Variants in SLC30A8 observed in about 807,000 individuals in gnomAD.
SLC30A8 encodes the protein solute carrier family 30 member 8.
SLC30A8 carries 27 observed loss-of-function variants against 36.9 expected under a neutral mutation model. The observed-to-expected ratio is 0.73, with a 90% CI of 0.54 to 1.01. The LOEUF (loss-of-function observed/expected upper bound fraction) is 1.01. Ranked by LOEUF, SLC30A8 falls within the 50% of genes least tolerant of loss-of-function variation. SLC30A8 has a pLI of 0.00. For synonymous variants in SLC30A8, 164 were observed against 172.4 expected, an observed-to-expected ratio of 0.95 and a Z score of 0.38; for missense variants, 439 against 452.0, an observed-to-expected ratio of 0.97 and a Z score of 0.26.
chr8:117,092,592 C>T lies in SLC30A8; in HGVS notation c.-225-42688C>T, dbSNP rs76569308. Among the ~76,000 whole-genome samples, 560 of 152,208 alleles carry T rather than the reference C, an allele frequency of 3.7e-3. 8 individuals are homozygous for T. In the East Asian group the frequency reaches 0.063, roughly 17 times the overall value. ...AAGATTTCCTGAGTGCCCACTAGTA[C>T]CTAGACTTAAAGAGATAGATTAGAG... On this transcript the variant is annotated intron_variant, in intron 2 of 10. Coordinates refer to the SLC30A8 transcript ENST00000427715.
At chr8:116,951,769 C>A (rs140477347) in intron 1 of SLC30A8, among the ~76,000 whole-genome samples, 41 of 152,202 alleles carry the variant, frequency 2.7e-4, no homozygotes, top group African/African-American at 9.4e-4. Flanking sequence ...TTTGTTGTGT[C>A]TACGGGGTGC....
chr8:117,072,349 G>A (rs1057193419), intron 2 of SLC30A8, among the ~76,000 whole-genome samples: 2 of 152,114 alleles, frequency 1.3e-5, no homozygotes, highest in Admixed American at 6.6e-5. Context: ...TATGTTAGTT[G>A]TCTCTTTATT....
At chr8:116,984,339 G>A (rs896429246) in intron 1 of SLC30A8, among the ~76,000 whole-genome samples, 2 of 152,148 alleles carry the variant, frequency 1.3e-5, no homozygotes, top group African/African-American at 4.8e-5. Context: ...GAGTACAACT[G>A]TTAAGTCATA....
chr8:117,037,629 A>G (rs1252597348), intron 1 of SLC30A8, among the ~76,000 whole-genome samples: 2 of 152,238 alleles, frequency 1.3e-5, no homozygotes, highest in African/African-American at 2.4e-5. Flanking sequence ...ATAGAATAAT[A>G]TACTCACTAT....
At chr8:117,115,686 G>C (rs1820413663) in intron 2 of SLC30A8, among the ~76,000 whole-genome samples, 1 of 152,052 alleles carries the variant, frequency 6.6e-6, no homozygotes, top group Non-Finnish European at 1.5e-5. Flanking sequence ...ATGCAAAACA[G>C]TTAAACAGTT....
intron 2 of SLC30A8, among the ~76,000 whole-genome samples, chr8:117,087,958 GGA>G (rs1457966687): frequency 2.0e-5 from 3 of 151,950 alleles, no homozygotes; most frequent in African/African-American, 4.8e-5. Flanking sequence ...AGGCGGTGGG[GGA>G]GAGAGAGATG....
At chr8:117,156,438 A>T (rs1292438595) in intron 3 of SLC30A8, among the ~76,000 whole-genome samples, 1 of 152,222 alleles carries the variant, frequency 6.6e-6, no homozygotes, top group Admixed American at 6.5e-5. Flanking sequence ...ATTATAATAC[A>T]TATAGATAAG....
intron 2 of SLC30A8, among the ~76,000 whole-genome samples, chr8:117,064,258 AGTGCTGG>A (rs1246185136): frequency 6.6e-6 from 1 of 152,082 alleles, no homozygotes; most frequent in Non-Finnish European, 1.5e-5. Context: ...GGCCTCCCAA[AGTGCTGG>A]GATTACAGTC....
At chr8:116,987,943 C>T (rs113820183) in intron 1 of SLC30A8, among the ~76,000 whole-genome samples, 8,240 of 152,304 alleles carry the variant, frequency 0.054, 730 homozygotes, top group African/African-American at 0.19. Context: ...AAGTGATCCG[C>T]CTGCCTTGGC....
chr8:117,112,430 C>T (rs1187874747), intron 2 of SLC30A8, among the ~76,000 whole-genome samples: 1 of 152,030 alleles, frequency 6.6e-6, no homozygotes, highest in Non-Finnish European at 1.5e-5. Context: ...ATTCACCACA[C>T]AGGAGGGGTG....
chr8:117,160,403 TTGTGTGTGTGTGTGTG>T (rs71569723), intron 4 of SLC30A8, among the ~76,000 whole-genome samples: 6 of 145,808 alleles, frequency 4.1e-5, no homozygotes, highest in Non-Finnish European at 6.0e-5. Flanking sequence ...AATTTTCCAC[TTGTGTGTGTGTGTGTG>T]TGTGTGTGTG....
chr8:117,022,043 CA>C (rs200646334), intron 1 of SLC30A8, among the ~76,000 whole-genome samples: 2,001 of 151,426 alleles, frequency 0.013, 47 homozygotes, highest in African/African-American at 0.046. Flanking sequence ...ACTAAAAATA[CA>C]AAAAAATTAG....
intron 1 of SLC30A8, among the ~76,000 whole-genome samples, chr8:116,956,113 C>T (rs1814193182): frequency 6.6e-6 from 1 of 152,160 alleles, no homozygotes; most frequent in Admixed American, 6.5e-5. Flanking sequence ...TGAATAGATA[C>T]ATTAAAGCAG....
chr8:117,130,169 T>G (rs553586062), upstream of SLC30A8: 1 of 152,102 alleles, frequency 6.6e-6, no homozygotes, highest in African/African-American at 2.4e-5. Context: ...CGCCTTGTGG[T>G]TGTGCTTCCA....
In SLC30A8 at chr8:117,025,243, T is replaced by C. The variant is rs187990501; in HGVS notation, c.-265-13976T>C. ...CTCCATAAGTTGTCGATAGGTTTGGTTGAAAATGGGAAAGGGGTCTTAAGA... is the reference window on the plus strand; with the variant it reads ...CTCCATAAGTTGTCGATAGGTTTGGCTGAAAATGGGAAAGGGGTCTTAAGA... On this transcript the variant is annotated intron_variant, in intron 1 of 10. Transcript: ENST00000427715. Among the ~76,000 whole-genome samples the C allele has an allele frequency of 1.1e-4, 16 of 152,286 alleles. No individual in the cohort carries two copies. The East Asian group carries it at 3.1e-3, about 29-fold the overall frequency.
intron 2 of SLC30A8, among the ~76,000 whole-genome samples, chr8:117,073,281 G>A (rs1188805241): frequency 2.1e-5 from 3 of 141,134 alleles, no homozygotes; most frequent in Non-Finnish European, 3.0e-5. Context: ...TTTTGAGACT[G>A]AGTCTCACTC....
rs115893083 is a variant in SLC30A8, at chr8:117,043,207, G to T, written c.-226+3949G>T. ...AGTTTTCACTCCCAGTTAGCATGGA[G>T]CCTGTTTTTTGGGATTCTAGCATGC... On this transcript the variant is annotated intron_variant, in intron 2 of 10. Coordinates refer to the SLC30A8 transcript ENST00000427715. 6.4e-3 allele frequency among the ~76,000 whole-genome samples: 972 copies of T among 152,308 alleles called. 17 individuals carry two copies. Among genetic ancestry groups the T allele is most frequent in the African/African-American group, 0.022 (922 of 41,562 alleles).
chr8:116,962,096 A>C (rs568325193), intron 1 of SLC30A8, among the ~76,000 whole-genome samples: 25 of 152,090 alleles, frequency 1.6e-4, no homozygotes, highest in South Asian at 6.3e-4. Flanking sequence ...TAATAGCAAC[A>C]ACAAAAAAGA....
chr8:117,097,531 A>G lies in SLC30A8; in HGVS notation c.-225-37749A>G, dbSNP rs375181079. ...TATAATTTTAAATAATATATATTAT[A>G]TATAATATATAATTTTAAATAATAT... On this transcript the variant is annotated intron_variant, in intron 2 of 10. Transcript: ENST00000427715. Among the ~76,000 whole-genome samples, 200 of 85,904 alleles carry G rather than the reference A, an allele frequency of 2.3e-3. 6 individuals are homozygous for G. The highest frequency in any genetic ancestry group is 7.8e-3 in the African/African-American group (184 of 23,686). The allele number at this position is 85,904 out of a possible 152,430, so 56.4% of individuals were successfully genotyped here.
Sources: gnomAD v4.1 joint callset for allele counts (sites outside exome capture counted in the v4.1 genomes callset) on GRCh38, gnomAD v4.1.1 for gene constraint, MANE v1.5 for transcripts, NCBI Gene and HGNC (gene_info 2026-07-23, HGNC 2026-07-21) for gene names.